NAALADL2: variants seen among roughly 807,000 people sequenced by gnomAD.
NAALADL2 encodes the protein inactive N-acetylated-alpha-linked acidic dipeptidase-like protein 2.
NAALADL2 carries 76 observed loss-of-function variants against 87.2 expected under a neutral mutation model. That is an observed-to-expected ratio of 0.87 (90% CI 0.72 to 1.05). The LOEUF (loss-of-function observed/expected upper bound fraction) is 1.05. Ranked by LOEUF, NAALADL2 falls within the 50% of genes least tolerant of loss-of-function variation. The pLI is 0.00. For synonymous variants in NAALADL2, 354 were observed against 331.0 expected (o/e 1.07, Z -0.75); for missense variants, 1,089 against 945.8 (o/e 1.15, Z -1.99).
chr3:175,710,129 T>A (rs1252422618), intron 11 of NAALADL2, among the ~76,000 whole-genome samples: 1 of 151,872 alleles, frequency 6.6e-6, no homozygotes, highest in Non-Finnish European at 1.5e-5. Context: ...GAGAGATAGA[T>A]AACTGAGAGA....
At chr3:175,295,091 G>A (rs1756144494) in intron 4 of NAALADL2, among the ~76,000 whole-genome samples, 1 of 152,174 alleles carries the variant, frequency 6.6e-6, no homozygotes. Flanking sequence ...AGGTAAAAGA[G>A]TGTATGGCAC....
intron 2 of NAALADL2, among the ~76,000 whole-genome samples, chr3:175,130,603 C>T (rs73041351): frequency 0.34 from 52,400 of 151,976 alleles, 9,217 homozygotes; most frequent in East Asian, 0.45. Flanking sequence ...AAGAAACTAT[C>T]TTTTCTCTAT....
In NAALADL2 at chr3:175,432,104, C is replaced by T. The variant is rs1055968649; in HGVS notation, c.1091-15125C>T. Reference sequence around the variant, plus strand: ...AGCTAAAAGAAGTAGACTCTGATCTCACCTGCATAGCTTACCAGCCATATG... The same window carrying T: ...AGCTAAAAGAAGTAGACTCTGATCTTACCTGCATAGCTTACCAGCCATATG... On this transcript the variant is annotated intron_variant, in intron 5 of 13. Coordinates refer to ENST00000454872, the MANE Select transcript of NAALADL2 (RefSeq NM_207015.3). Among the ~76,000 whole-genome samples the T allele has an allele frequency of 5.9e-5, 9 of 152,138 alleles. No individual in the cohort carries two copies. The East Asian group carries it at 1.2e-3, about 20-fold the overall frequency.
intron 1 of NAALADL2, chr3:174,536,829 G>T (rs1376221895): frequency 6.6e-6 from 1 of 152,014 alleles, no homozygotes; most frequent in African/African-American, 2.4e-5. Flanking sequence ...TTTGTCACCT[G>T]GGGGAATTGT....
At chr3:175,733,232 A>T (rs1345623497) in intron 11 of NAALADL2, among the ~76,000 whole-genome samples, 1 of 152,210 alleles carries the variant, frequency 6.6e-6, no homozygotes, top group African/African-American at 2.4e-5. Context: ...TGATAAAGAC[A>T]TACCGAAGAC....
chr3:175,019,205 C>G (rs954452276), intron 1 of NAALADL2, among the ~76,000 whole-genome samples: 1 of 151,912 alleles, frequency 6.6e-6, no homozygotes, highest in Non-Finnish European at 1.5e-5. Context: ...TGAAGTTGTT[C>G]ATGTAAAATT....
At chr3:175,276,297 A>ATTTTTTTT (rs10645974) in intron 4 of NAALADL2, among the ~76,000 whole-genome samples, 1 of 133,570 alleles carries the variant, frequency 7.5e-6, no homozygotes, top group Non-Finnish European at 1.6e-5. Flanking sequence ...CGCTTTGCAA[A>ATTTTTTTT]TTTTTTTTTT....
intron 1 of NAALADL2, among the ~76,000 whole-genome samples, chr3:175,039,047 C>G (rs1753747764): frequency 6.6e-6 from 1 of 151,876 alleles, no homozygotes; most frequent in East Asian, 1.9e-4. Context: ...GGAGTAGCAC[C>G]CCCCTTTTAT....
intron 3 of NAALADL2, among the ~76,000 whole-genome samples, chr3:174,851,608 G>C (rs1169536615): frequency 6.6e-6 from 1 of 151,964 alleles, no homozygotes; most frequent in Non-Finnish European, 1.5e-5. Context: ...TAAATAATGG[G>C]ATCAAAGCTG....
chr3:174,448,929 A>C (rs1715269873), intron 1 of NAALADL2, among the ~76,000 whole-genome samples: 1 of 152,184 alleles, frequency 6.6e-6, no homozygotes, highest in Non-Finnish European at 1.5e-5. Flanking sequence ...GATAAGACAA[A>C]TGTAACTTTC....
At chr3:174,933,023 A>T (rs956318568) in intron 1 of NAALADL2, among the ~76,000 whole-genome samples, 1 of 152,194 alleles carries the variant, frequency 6.6e-6, no homozygotes, top group African/African-American at 2.4e-5. Flanking sequence ...AGGCTGAGGC[A>T]GGAGAGTCAC....
chr3:175,573,422 A>C (rs62285565), intron 9 of NAALADL2, among the ~76,000 whole-genome samples: 26,603 of 152,188 alleles, frequency 0.17, 2,586 homozygotes, highest in African/African-American at 0.24. Flanking sequence ...ATGGTGCAAC[A>C]ATCTCGATTT....
intron 1 of NAALADL2, among the ~76,000 whole-genome samples, chr3:175,024,285 C>T (rs4629342): frequency 0.32 from 47,892 of 151,820 alleles, 9,877 homozygotes; most frequent in African/African-American, 0.58. Flanking sequence ...AATATGCATG[C>T]CATTATGAAT....
intron 10 of NAALADL2, among the ~76,000 whole-genome samples, chr3:175,613,153 A>T (rs1172283522): frequency 6.6e-6 from 1 of 152,212 alleles, no homozygotes; most frequent in Non-Finnish European, 1.5e-5. Flanking sequence ...TCTGATATGC[A>T]GAACATCTAT....
intron 1 of NAALADL2, among the ~76,000 whole-genome samples, chr3:174,885,740 C>G (rs969449696): frequency 7.2e-4 from 110 of 151,978 alleles, no homozygotes; most frequent in African/African-American, 2.5e-3. Flanking sequence ...AGTCAGGGTT[C>G]TCTAGAGGGA....
At chr3:175,385,582 T>C (rs1450196468) in intron 5 of NAALADL2, among the ~76,000 whole-genome samples, 1 of 152,104 alleles carries the variant, frequency 6.6e-6, no homozygotes, top group African/African-American at 2.4e-5. Flanking sequence ...CGAATATAGT[T>C]AACATTAATC....
intron 2 of NAALADL2, among the ~76,000 whole-genome samples, chr3:175,131,760 C>T (rs1727928345): frequency 6.7e-6 from 1 of 150,338 alleles, no homozygotes; most frequent in African/African-American, 2.5e-5. Flanking sequence ...GGGCGGCTGG[C>T]CGGGCAGGGG....
intron 13 of NAALADL2, among the ~76,000 whole-genome samples, chr3:175,773,906 C>T (rs889753236): frequency 6.6e-6 from 1 of 152,080 alleles, no homozygotes; most frequent in African/African-American, 2.4e-5. Context: ...CCACTCTTCC[C>T]CCATATAACA....
chr3:175,281,606 T>C (rs1754320310), intron 4 of NAALADL2, among the ~76,000 whole-genome samples: 1 of 151,988 alleles, frequency 6.6e-6, no homozygotes, highest in African/African-American at 2.4e-5. Flanking sequence ...AACACCTATA[T>C]GCTTTAGAAG....
Sources: gnomAD v4.1 joint callset for allele counts (sites outside exome capture counted in the v4.1 genomes callset) on GRCh38, gnomAD v4.1.1 for gene constraint, MANE v1.5 for transcripts, NCBI Gene and HGNC (gene_info 2026-07-23, HGNC 2026-07-21) for gene names.